Variants in GPM6A observed in about 807,000 individuals in gnomAD.
The protein encoded by GPM6A is neuronal membrane glycoprotein M6-a.
A neutral mutation model predicts 32.1 loss-of-function variants in GPM6A; 7 were observed. The ratio of observed to expected loss-of-function variants is 0.22; its 90% confidence interval spans 0.12 to 0.41. The LOEUF is 0.41. GPM6A is among the 10% of genes least tolerant of loss of function. The pLI is 1.00. For synonymous variants in GPM6A, 130 were observed against 123.4 expected (o/e 1.05, Z -0.35); for missense variants, 235 against 347.2 (o/e 0.68, Z 2.57).
chr4:175,726,486 T>G (rs17598675), intron 1 of GPM6A, among the ~76,000 whole-genome samples: 2 of 152,040 alleles, frequency 1.3e-5, no homozygotes, highest in Non-Finnish European at 2.9e-5. Context: ...TTTGTGTTTA[T>G]GTTTTTGACA....
At chr4:175,944,461 A>C (rs1183207449) in intron 1 of GPM6A, among the ~76,000 whole-genome samples, 2 of 152,158 alleles carry the variant, frequency 1.3e-5, no homozygotes, top group East Asian at 3.8e-4. Context: ...CTATCTATAA[A>C]ATGCATACTG....
chr4:175,761,727 A>G (rs1422693953), intron 1 of GPM6A, among the ~76,000 whole-genome samples: 1 of 152,138 alleles, frequency 6.6e-6, no homozygotes, highest in Admixed American at 6.6e-5. Flanking sequence ...TAAAATCTAA[A>G]TTAATTGACC....
intron 1 of GPM6A, among the ~76,000 whole-genome samples, chr4:175,728,076 C>A (rs973619590): frequency 1.3e-5 from 2 of 151,008 alleles, no homozygotes; most frequent in African/African-American, 4.9e-5. Flanking sequence ...CATCTCACTT[C>A]TTACATACTT....
intron 1 of GPM6A, among the ~76,000 whole-genome samples, chr4:175,778,267 T>C (rs1257697739): frequency 6.6e-6 from 1 of 152,150 alleles, no homozygotes; most frequent in African/African-American, 2.4e-5. Flanking sequence ...AGTTGGGTAC[T>C]ACTATTTAAA....
chr4:175,931,376 T>C (rs1222588981), intron 1 of GPM6A, among the ~76,000 whole-genome samples: 1 of 152,158 alleles, frequency 6.6e-6, no homozygotes, highest in Non-Finnish European at 1.5e-5. Flanking sequence ...TTTTTGACAC[T>C]TTTTGCCTTG....
chr4:175,920,439 T>C (rs890837304), intron 1 of GPM6A, among the ~76,000 whole-genome samples: 1 of 152,238 alleles, frequency 6.6e-6, no homozygotes. Context: ...ACTCAAAGAA[T>C]GTTAGTAACT....
At chr4:175,846,782 GC>G (rs1736100253) in intron 1 of GPM6A, among the ~76,000 whole-genome samples, 1 of 151,990 alleles carries the variant, frequency 6.6e-6, no homozygotes, top group Non-Finnish European at 1.5e-5. Flanking sequence ...ATAGAATGTA[GC>G]AATTATATTA....
intron 2 of GPM6A, among the ~76,000 whole-genome samples, chr4:175,677,237 G>A (rs1743422496): frequency 6.6e-6 from 1 of 152,074 alleles, no homozygotes; most frequent in South Asian, 2.1e-4. Context: ...GCTATGATAA[G>A]TAATACATTT....
intron 4 of GPM6A, among the ~76,000 whole-genome samples, chr4:175,646,572 C>G (rs775164728): frequency 1.3e-5 from 2 of 152,084 alleles, no homozygotes; most frequent in Non-Finnish European, 2.9e-5. Flanking sequence ...ATTTTTCTTT[C>G]AAAATTGAGC....
chr4:175,979,680 G>A (rs1197489490), intron 1 of GPM6A, among the ~76,000 whole-genome samples: 1 of 152,128 alleles, frequency 6.6e-6, no homozygotes, highest in Non-Finnish European at 1.5e-5. Flanking sequence ...TGGAACCATG[G>A]CAAAAGTTCA....
chr4:175,830,140 G>T (rs1032473162), intron 1 of GPM6A, among the ~76,000 whole-genome samples: 1 of 151,016 alleles, frequency 6.6e-6, no homozygotes, highest in Non-Finnish European at 1.5e-5. Context: ...ATGGAGAGGT[G>T]GGGGCATGAG....
intron 1 of GPM6A, among the ~76,000 whole-genome samples, chr4:175,932,582 A>G (rs776896764): frequency 1.3e-5 from 2 of 152,214 alleles, no homozygotes; most frequent in African/African-American, 4.8e-5. Flanking sequence ...TCTCATTTCA[A>G]AATATTTATT....
chr4:175,918,336 C>T (rs1738559701), intron 1 of GPM6A, among the ~76,000 whole-genome samples: 1 of 152,004 alleles, frequency 6.6e-6, no homozygotes, highest in Non-Finnish European at 1.5e-5. Flanking sequence ...ATAAAGCGGG[C>T]AGCAGCTGTT....
At chr4:175,838,815 G>T (rs749856781) in intron 1 of GPM6A, among the ~76,000 whole-genome samples, 1 of 151,546 alleles carries the variant, frequency 6.6e-6, no homozygotes, top group Non-Finnish European at 1.5e-5. Flanking sequence ...CACCACACCC[G>T]GCTAATTTTT....
At chr4:175,929,184 G>C (rs979743342) in intron 1 of GPM6A, among the ~76,000 whole-genome samples, 1 of 152,130 alleles carries the variant, frequency 6.6e-6, no homozygotes. Context: ...CCTATGACAA[G>C]GAACAAAATA....
At chr4:175,741,117 CA>C (rs1166291006) in intron 1 of GPM6A, among the ~76,000 whole-genome samples, 2 of 152,032 alleles carry the variant, frequency 1.3e-5, no homozygotes, top group African/African-American at 4.8e-5. Flanking sequence ...ACCTCAAATT[CA>C]GCATAATAAA....
intron 1 of GPM6A, among the ~76,000 whole-genome samples, chr4:175,731,537 G>T (rs1731430609): frequency 6.6e-6 from 1 of 152,086 alleles, no homozygotes; most frequent in African/African-American, 2.4e-5. Context: ...TCTACACAGT[G>T]CCCAGCACAA....
chr4:175,809,128 C>T (rs1734812228), intron 1 of GPM6A, among the ~76,000 whole-genome samples: 1 of 152,154 alleles, frequency 6.6e-6, no homozygotes, highest in Non-Finnish European at 1.5e-5. Context: ...ATTAGAAACC[C>T]AAAAATCATT....
At chr4:175,996,905 T>C (rs1741325047) in intron 1 of GPM6A, among the ~76,000 whole-genome samples, 1 of 152,068 alleles carries the variant, frequency 6.6e-6, no homozygotes, top group Non-Finnish European at 1.5e-5. Flanking sequence ...AGCGATGTCC[T>C]GGGATTTCTG....
Sources: allele counts gnomAD v4.1 joint callset (sites outside exome capture counted in the v4.1 genomes callset), GRCh38; gene constraint gnomAD v4.1.1; transcripts MANE v1.5; gene names NCBI Gene and HGNC (gene_info 2026-07-23, HGNC 2026-07-21).